GPATCH2: variants seen among roughly 807,000 people sequenced by gnomAD.
GPATCH2 encodes the protein G patch domain-containing protein 2.
GPATCH2 carries 51 observed loss-of-function variants against 58.0 expected under a neutral mutation model. The ratio of observed to expected loss-of-function variants is 0.88; its 90% CI spans 0.70 to 1.11. The LOEUF is 1.11. Ranked by LOEUF, GPATCH2 falls within the 50% of genes most tolerant of loss-of-function variation. The pLI is 0.00. For synonymous variants in GPATCH2, 222 were observed against 218.5 expected (o/e 1.02, Z -0.14); for missense variants, 625 against 652.2 (o/e 0.96, Z 0.45).
intron 6 of GPATCH2, among the ~76,000 whole-genome samples, chr1:217,506,860 G>A (rs890316554): frequency 6.6e-6 from 1 of 152,140 alleles, no homozygotes; most frequent in Non-Finnish European, 1.5e-5. Context: ...CTTGCCACCA[G>A]TTCACTTAGA....
chr1:217,464,735 G>T (rs901275431), intron 8 of GPATCH2, among the ~76,000 whole-genome samples: 2 of 152,150 alleles, frequency 1.3e-5, no homozygotes, highest in African/African-American at 4.8e-5. Flanking sequence ...CCAGAATTTT[G>T]ATTGGTTTAT....
At chr1:217,592,877 T>G (rs1667656775) in intron 5 of GPATCH2, among the ~76,000 whole-genome samples, 1 of 151,976 alleles carries the variant, frequency 6.6e-6, no homozygotes, top group African/African-American at 2.4e-5. Flanking sequence ...AATGGTTCTC[T>G]TCTTTGTACT....
chr1:217,630,575 G>A (rs769247788), intron 1 of GPATCH2, among the ~76,000 whole-genome samples: 6 of 152,168 alleles, frequency 3.9e-5, no homozygotes, highest in Non-Finnish European at 5.9e-5. Context: ...TGAAAGAGGA[G>A]TGGGGAATAA....
At chr1:217,483,179 T>TTTTG (rs1000305222) in intron 8 of GPATCH2, among the ~76,000 whole-genome samples, 13 of 152,150 alleles carry the variant, frequency 8.5e-5, no homozygotes, top group South Asian at 2.1e-4. Context: ...ACCAATCTTG[T>TTTTG]TTTGTTTGTT....
chr1:217,441,872 G>C (rs1294576560), intron 9 of GPATCH2, among the ~76,000 whole-genome samples: 1 of 152,136 alleles, frequency 6.6e-6, no homozygotes, highest in Non-Finnish European at 1.5e-5. Context: ...GGAGAAATAG[G>C]AACACTTTTA....
chr1:217,608,419 T>C, intron 5 of GPATCH2: 1 of 984,640 alleles, frequency 1.0e-6, no homozygotes, highest in Non-Finnish European at 1.2e-6. Flanking sequence ...CTTCATCACC[T>C]TTTTACAATT....
At chr1:217,529,051 G>A (rs1664062289) in intron 5 of GPATCH2, among the ~76,000 whole-genome samples, 1 of 152,128 alleles carries the variant, frequency 6.6e-6, no homozygotes, top group Non-Finnish European at 1.5e-5. Context: ...GACAGATGAT[G>A]CATGGATCTG....
chr1:217,562,491 GA>G (rs1262231443), intron 5 of GPATCH2, among the ~76,000 whole-genome samples: 1 of 152,130 alleles, frequency 6.6e-6, no homozygotes, highest in Non-Finnish European at 1.5e-5. Context: ...GAGAAACACT[GA>G]TCAAGAAAAT....
At chr1:217,561,447 G>A (rs1262428728) in intron 5 of GPATCH2, among the ~76,000 whole-genome samples, 2 of 152,206 alleles carry the variant, frequency 1.3e-5, no homozygotes, top group Non-Finnish European at 2.9e-5. Context: ...GCGAGAAGAT[G>A]TATGATGACG....
intron 5 of GPATCH2, among the ~76,000 whole-genome samples, chr1:217,586,324 C>T (rs762861537): frequency 6.6e-5 from 10 of 152,084 alleles, no homozygotes; most frequent in Non-Finnish European, 1.3e-4. Context: ...CTATTTTCTT[C>T]CTTTATATTC....
intron 1 of GPATCH2, among the ~76,000 whole-genome samples, chr1:217,622,689 G>A (rs1026942848): frequency 2.0e-4 from 30 of 152,088 alleles, no homozygotes; most frequent in African/African-American, 5.3e-4. Flanking sequence ...GATTACAGGC[G>A]CACGCCACCA....
intron 6 of GPATCH2, among the ~76,000 whole-genome samples, chr1:217,513,803 A>G (rs544730117): frequency 6.6e-6 from 1 of 152,046 alleles, no homozygotes; most frequent in Non-Finnish European, 1.5e-5. Context: ...CAGAAAGTAG[A>G]GAAGTAATGA....
chr1:217,549,978 A>G (rs1250359648), intron 5 of GPATCH2, among the ~76,000 whole-genome samples: 2 of 152,174 alleles, frequency 1.3e-5, no homozygotes, highest in Non-Finnish European at 2.9e-5. Context: ...TAGTTCTTTA[A>G]CGGGAGAACT....
intron 3 of GPATCH2, 65 bp downstream of exon 3, chr1:217,614,076 G>C: frequency 1.1e-6 from 1 of 880,046 alleles, no homozygotes; most frequent in Non-Finnish European, 1.9e-6. Context: ...GAAATAACCA[G>C]TAATAAGCTC....
Position 217,450,949 on chromosome 1 carries a change from T to G in GPATCH2, c.1278-1612A>C, listed in dbSNP as rs537927025. Among the ~76,000 whole-genome samples the G allele has an allele frequency of 9.9e-5, 15 of 152,246 alleles. 1 individual carries two copies. In the South Asian group the frequency reaches 3.1e-3, roughly 32 times the overall value. ...TATTCAGCAAACATTTATCAGTATC[T>G]ATTATGGACTTAGCATAAGACTCCA... On this transcript the variant is annotated intron_variant, in intron 8 of 9. Coordinates refer to ENST00000366935, the MANE Select transcript of GPATCH2 (RefSeq NM_018040.5).
chr1:217,564,900 G>A (rs561045625), intron 5 of GPATCH2, among the ~76,000 whole-genome samples: 11 of 152,210 alleles, frequency 7.2e-5, no homozygotes, highest in East Asian at 3.9e-4. Context: ...AAATGACTGC[G>A]ATCTCATTTA....
At chr1:217,602,715 G>A (rs1377818492) in intron 5 of GPATCH2, among the ~76,000 whole-genome samples, 1 of 152,022 alleles carries the variant, frequency 6.6e-6, no homozygotes, top group African/African-American at 2.4e-5. Flanking sequence ...GGGAAGAAAG[G>A]GTGAAAATGG....
intron 6 of GPATCH2, among the ~76,000 whole-genome samples, chr1:217,510,106 G>A (rs1285093409): frequency 2.0e-5 from 3 of 152,090 alleles, no homozygotes; most frequent in Admixed American, 1.3e-4. Context: ...TTTCCTGAAA[G>A]CATGCTATAC....
chr1:217,610,946 C>G lies in GPATCH2; in HGVS notation c.961G>C (p.Val321Leu). ...TELDKNVPDPVFESILTGSFP... is the reference protein window; with the variant it reads ...TELDKNVPDPLFESILTGSFP... ...GAACCAGTTAAGATACTTTCAAAGA[C>G]AGGATCTGGTACATTTTTGTCTAGC... is the stretch of plus-strand genomic sequence containing the variant. The change falls in exon 4 of 10, where the codon GTC becomes CTC. Residue 321 changes from valine (V) to leucine (L), a missense_variant. Physicochemically the swap from Val to Leu is conservative, Grantham distance 32. Coordinates refer to ENST00000366935, the MANE Select transcript of GPATCH2 (RefSeq NM_018040.5). 6.2e-7 allele frequency: 1 copy of G among 1,613,402 alleles called. No individual in the cohort carries two copies. The highest frequency in any genetic ancestry group is 8.5e-7 in the Non-Finnish European group (1 of 1,179,578).
Sources: allele counts gnomAD v4.1 joint callset (sites outside exome capture counted in the v4.1 genomes callset), GRCh38; gene constraint gnomAD v4.1.1; transcripts MANE v1.5; gene names NCBI Gene and HGNC (gene_info 2026-07-23, HGNC 2026-07-21).